The following UBE2E2 variants were observed in gnomAD, a reference collection of about 807,000 sequenced individuals.
UBE2E2 encodes the protein ubiquitin conjugating enzyme E2 E2.
Under a neutral mutation model 24.7 loss-of-function variants are expected in UBE2E2, and 6 were observed. The ratio of observed to expected loss-of-function variants is 0.24; its 90% CI spans 0.13 to 0.48. The LOEUF is 0.48. Among genes scored for constraint, UBE2E2 ranks in the 20% least tolerant of loss-of-function variants. UBE2E2 has a pLI of 0.99. For synonymous variants in UBE2E2, 104 were observed against 83.6 expected, an observed-to-expected ratio of 1.24 and a Z score of -1.33; for missense variants, 169 against 245.0, an observed-to-expected ratio of 0.69 and a Z score of 2.07.
rs75602177 is a variant in UBE2E2, at chr3:23,369,394, G to T, written c.228-130214G>T. 2.0e-3 allele frequency among the ~76,000 whole-genome samples: 302 copies of T among 152,230 alleles called. 9 individuals are homozygous for T. In the East Asian group the frequency reaches 0.047, roughly 24 times the overall value. ...TACATTTCTCATGTATAGCCATAAT[G>T]TGCCATTGAGTTTTGGATCTTTTGA... On this transcript the variant is annotated intron_variant, in intron 3 of 5. Transcript: ENST00000396703.
intron 3 of UBE2E2, among the ~76,000 whole-genome samples, chr3:23,284,119 A>AT (rs559256126): frequency 7.9e-5 from 12 of 151,246 alleles, no homozygotes; most frequent in East Asian, 7.8e-4. Context: ...TCCTTTAGGG[A>AT]TTTTTTTTTA....
chr3:23,380,614 A>G (rs1326348630), intron 3 of UBE2E2, among the ~76,000 whole-genome samples: 12 of 152,130 alleles, frequency 7.9e-5, no homozygotes, highest in Non-Finnish European at 1.2e-4. Context: ...TCTTCCTGGG[A>G]ATTGATTTCC....
chr3:23,207,302 T>C (rs887846012), intron 1 of UBE2E2, among the ~76,000 whole-genome samples: 1 of 152,166 alleles, frequency 6.6e-6, no homozygotes, highest in African/African-American at 2.4e-5. Flanking sequence ...CTGTCTAGAT[T>C]ATAACAGCTA....
chr3:23,450,297 G>A (rs1447180391), intron 3 of UBE2E2, among the ~76,000 whole-genome samples: 1 of 152,142 alleles, frequency 6.6e-6, no homozygotes, highest in Admixed American at 6.5e-5. Flanking sequence ...CTCTCTCTGT[G>A]CTTCCAACAT....
intron 3 of UBE2E2, among the ~76,000 whole-genome samples, chr3:23,388,670 A>G (rs1696864282): frequency 6.6e-6 from 1 of 152,152 alleles, no homozygotes; most frequent in Non-Finnish European, 1.5e-5. Context: ...CATTTATTTA[A>G]ATAGTATTTT....
intron 3 of UBE2E2, among the ~76,000 whole-genome samples, chr3:23,333,306 A>G (rs1157387907): frequency 6.6e-6 from 1 of 152,202 alleles, no homozygotes; most frequent in Non-Finnish European, 1.5e-5. Context: ...ATATTTATCT[A>G]TGTCTCTTTC....
chr3:23,381,432 C>G (rs1696669550), intron 3 of UBE2E2, among the ~76,000 whole-genome samples: 1 of 152,018 alleles, frequency 6.6e-6, no homozygotes, highest in Admixed American at 6.6e-5. Flanking sequence ...TGAAGTGTCT[C>G]AGAAGAAGGT....
chr3:23,243,093 A>AAAAAG (rs201347065), intron 3 of UBE2E2, among the ~76,000 whole-genome samples: 4 of 151,870 alleles, frequency 2.6e-5, no homozygotes, highest in Non-Finnish European at 5.9e-5. Context: ...TTCAAAAAAA[A>AAAAAG]AAAAGAAAAG....
At chr3:23,369,645 C>T (rs185184601) in intron 3 of UBE2E2, among the ~76,000 whole-genome samples, 110 of 152,180 alleles carry the variant, frequency 7.2e-4, no homozygotes, top group African/African-American at 2.2e-3. Flanking sequence ...TTGCCCATAT[C>T]GAAGCCAGTC....
At chr3:23,364,747 A>G (rs1288255596) in intron 3 of UBE2E2, among the ~76,000 whole-genome samples, 1 of 152,208 alleles carries the variant, frequency 6.6e-6, no homozygotes. Flanking sequence ...ATTGAGGTGG[A>G]GGGAATCCTC....
At chr3:23,578,408 C>G (rs918128544) in intron 5 of UBE2E2, among the ~76,000 whole-genome samples, 15 of 152,174 alleles carry the variant, frequency 9.9e-5, no homozygotes, top group Non-Finnish European at 2.2e-4. Flanking sequence ...TACCATTTGA[C>G]CTACCAGTCC....
intron 3 of UBE2E2, among the ~76,000 whole-genome samples, chr3:23,324,792 TA>T (rs34708529): frequency 1.9e-4 from 28 of 147,786 alleles, no homozygotes; most frequent in Admixed American, 3.4e-4. Flanking sequence ...GAAAAGAATT[TA>T]AAAAAAAAAA....
In UBE2E2 at chr3:23,452,346, T is replaced by A. The variant is rs1041605417; in HGVS notation, c.228-47262T>A. Among the ~76,000 whole-genome samples the A allele has an allele frequency of 4.0e-5, 6 of 151,638 alleles. No individual in the cohort carries two copies. The East Asian group carries it at 5.8e-4, about 15-fold the overall frequency. The stretch of plus-strand genomic sequence containing the variant: ...CAGGTGCAATTTTTATACAGAATCT[T>A]TTTTTTTTCTGTTAGTGAGTAGACT... On this transcript the variant is annotated intron_variant, in intron 3 of 5. Transcript: ENST00000396703.
chr3:23,262,494 T>C (rs1423314600), intron 3 of UBE2E2, among the ~76,000 whole-genome samples: 2 of 152,276 alleles, frequency 1.3e-5, no homozygotes, highest in African/African-American at 4.8e-5. Context: ...TTGCCTAGGC[T>C]GGTCTCAAAC....
At chr3:23,480,369 G>T in intron 3 of UBE2E2, among the ~76,000 whole-genome samples, 3 of 152,328 alleles carry the variant, frequency 2.0e-5, no homozygotes, top group East Asian at 3.9e-4. Flanking sequence ...GCCTATGGGG[G>T]CAGGGAGCTT....
chr3:23,446,201 G>C (rs1242225984), intron 3 of UBE2E2, among the ~76,000 whole-genome samples: 1 of 152,126 alleles, frequency 6.6e-6, no homozygotes, highest in Non-Finnish European at 1.5e-5. Context: ...ACAGCCTCCA[G>C]GATCAAAGAA....
chr3:23,312,180 A>C (rs11928344), intron 3 of UBE2E2, among the ~76,000 whole-genome samples: 5 of 151,800 alleles, frequency 3.3e-5, no homozygotes, highest in African/African-American at 1.2e-4. Flanking sequence ...CCTCCCCCCA[A>C]AAAAAAGCTG....
At chr3:23,444,886 C>T (rs1027627724) in intron 3 of UBE2E2, among the ~76,000 whole-genome samples, 3 of 152,020 alleles carry the variant, frequency 2.0e-5, no homozygotes, top group African/African-American at 7.2e-5. Context: ...TTTTATAAGC[C>T]CTGGAATGGT....
chr3:23,499,719 C>G lies in UBE2E2; in HGVS notation c.339C>G (p.Asp113Glu), dbSNP rs1361031188. Reference protein sequence around the residue: ...VFFLDITFSPDYPFKPPKVTF... With the variant: ...VFFLDITFSPEYPFKPPKVTF... ...TTCTTGACATTACCTTTTCACCAGA[C>G]TATCCGTTTAAACCCCCTAAGGTCA... Residue 113 changes from aspartate (D) to glutamate (E), a missense_variant, in exon 4 of 6, where the codon GAC (aspartate) becomes GAG (glutamate). Transcript: ENST00000396703. The G allele has an allele frequency of 6.2e-7, 1 of 1,613,866 alleles. No individual in the cohort carries two copies. Among genetic ancestry groups the G allele is most frequent in the Non-Finnish European group, 8.5e-7 (1 of 1,179,894 alleles).
Sources: allele counts gnomAD v4.1 joint callset (sites outside exome capture counted in the v4.1 genomes callset), GRCh38; gene constraint gnomAD v4.1.1; transcripts MANE v1.5; gene names NCBI Gene and HGNC (gene_info 2026-07-23, HGNC 2026-07-21).